PLCB1: variants seen among roughly 807,000 people sequenced by gnomAD.
The protein encoded by PLCB1 is phospholipase C beta 1.
In PLCB1, 46 loss-of-function variants were observed where a neutral mutation model predicts 161.8. That is an observed-to-expected ratio of 0.28 (90% confidence interval 0.22 to 0.36). PLCB1 has a LOEUF of 0.36. Ranked by LOEUF, PLCB1 falls within the 10% of genes least tolerant of loss-of-function variation. The pLI is 1.00. For synonymous variants in PLCB1, 517 were observed against 503.7 expected (o/e 1.03, Z -0.35); for missense variants, 1,016 against 1,472.5 (o/e 0.69, Z 5.07).
intron 2 of PLCB1, among the ~76,000 whole-genome samples, chr20:8,303,746 T>C (rs909834885): frequency 6.6e-6 from 1 of 152,202 alleles, no homozygotes; most frequent in Non-Finnish European, 1.5e-5. Flanking sequence ...TTATAGCACA[T>C]TGTTCAGATT....
At chr20:8,742,110 G>A (rs1014289985) in intron 23 of PLCB1, among the ~76,000 whole-genome samples, 8 of 152,044 alleles carry the variant, frequency 5.3e-5, no homozygotes, top group African/African-American at 1.4e-4. Context: ...CAAATTAGAT[G>A]TCACAATGCA....
rs555642151 is a variant in PLCB1 at position 8,159,936 on chromosome 20, C to T, written c.177+9565C>T. The stretch of plus-strand genomic sequence containing the variant: ...CTGGGAAGTGGAGGTTGCAGTGAGC[C>T]AAGATCGTGCCATTGTACTCCAGCC... On this transcript the variant is annotated intron_variant, in intron 2 of 31. Coordinates refer to ENST00000338037, the MANE Select transcript of PLCB1 (RefSeq NM_015192.4). Among the ~76,000 whole-genome samples the T allele has an allele frequency of 5.4e-5, 7 of 128,626 alleles. No individual in the cohort carries two copies. The South Asian group carries it at 1.7e-3, about 32-fold the overall frequency. The allele number at this position is 128,626 out of a possible 152,430, so 84.4% of individuals were successfully genotyped here.
chr20:8,750,738 A>C (rs1030542994), intron 23 of PLCB1: 3 of 652,450 alleles, frequency 4.6e-6, no homozygotes, highest in Admixed American at 2.7e-5. Context: ...TGTTTGAAGA[A>C]GCTCCTCCTT....
chr20:8,875,133 AT>A (rs1987733976), intron 31 of PLCB1, among the ~76,000 whole-genome samples: 1 of 151,354 alleles, frequency 6.6e-6, no homozygotes, highest in African/African-American at 2.4e-5. Flanking sequence ...TATTCTTTGT[AT>A]TTTATTTCTT....
intron 10 of PLCB1, among the ~76,000 whole-genome samples, chr20:8,689,317 T>G (rs6056014): frequency 0.66 from 100,038 of 151,918 alleles, 34,030 homozygotes; most frequent in South Asian, 0.78. Flanking sequence ...CCTCTTCACT[T>G]ATTTGGATGC....
intron 3 of PLCB1, among the ~76,000 whole-genome samples, chr20:8,417,068 TATATA>T (rs1432932292): frequency 2.0e-4 from 21 of 106,480 alleles, no homozygotes; most frequent in African/African-American, 7.5e-4. Flanking sequence ...TATATATATA[TATATA>T]TTTTTTTTTT....
intron 3 of PLCB1, among the ~76,000 whole-genome samples, chr20:8,378,253 C>T (rs1987154480): frequency 6.6e-6 from 1 of 152,118 alleles, no homozygotes; most frequent in Non-Finnish European, 1.5e-5. Flanking sequence ...ATAAGCCAGA[C>T]ATAAAAGGAC....
intron 3 of PLCB1, among the ~76,000 whole-genome samples, chr20:8,391,168 G>T (rs1386003464): frequency 6.6e-6 from 1 of 151,816 alleles, no homozygotes; most frequent in Non-Finnish European, 1.5e-5. Context: ...TATATAGATT[G>T]TCACTATAAT....
At chr20:8,205,830 C>A (rs1361793918) in intron 2 of PLCB1, among the ~76,000 whole-genome samples, 1 of 151,922 alleles carries the variant, frequency 6.6e-6, no homozygotes, top group Admixed American at 6.6e-5. Flanking sequence ...GATAGGATGA[C>A]CACGAATGAA....
chr20:8,331,958 C>G (rs1985382221), intron 2 of PLCB1, among the ~76,000 whole-genome samples: 1 of 152,094 alleles, frequency 6.6e-6, no homozygotes, highest in South Asian at 2.1e-4. Context: ...CTTATGTGTC[C>G]CATTTAACCA....
At chr20:8,227,388 TCAAC>T in intron 2 of PLCB1, among the ~76,000 whole-genome samples, 1 of 152,322 alleles carries the variant, frequency 6.6e-6, no homozygotes, top group Non-Finnish European at 1.5e-5. Context: ...TGTCTTCCAC[TCAAC>T]CAGGCAGATT....
rs555440410 is a variant in PLCB1, at chr20:8,845,960, A to G, written c.3424-35662A>G. 2.0e-5 allele frequency among the ~76,000 whole-genome samples: 3 copies of G among 152,354 alleles called. No individual in the cohort carries two copies. In the South Asian group the frequency reaches 6.2e-4, roughly 32 times the overall value. ...TGTAGAGACACACAGCAGGGGCTAT[A>G]TAATTCCATAATCAGGAAACCCAGC... On this transcript the variant is annotated intron_variant, in intron 31 of 31. Coordinates refer to ENST00000338037, the MANE Select transcript of PLCB1 (RefSeq NM_015192.4).
intron 2 of PLCB1, among the ~76,000 whole-genome samples, chr20:8,298,050 C>A (rs77515698): frequency 0.025 from 614 of 24,584 alleles, 9 homozygotes; most frequent in Non-Finnish European, 0.013. Context: ...AATCCCAACA[C>A]TCTGGGAGGC....
At chr20:8,610,580 AT>A (rs769449747) in intron 3 of PLCB1, among the ~76,000 whole-genome samples, 1 of 152,124 alleles carries the variant, frequency 6.6e-6, no homozygotes, top group Non-Finnish European at 1.5e-5. Flanking sequence ...TGGCTATGAC[AT>A]TTTACCTTCC....
In PLCB1 at chr20:8,750,887, G is replaced by GC. The variant is rs747057979; in HGVS notation, c.2524-6156dup. ...TGGCCTTACCTCTTACCCATGTGGT[G>GC]CCCATCCAAAGCAAGATGCTGTCAT... On this transcript the variant is annotated intron_variant, in intron 23 of 31. Transcript: ENST00000338037. 4.5e-6 allele frequency: 6 copies of GC among 1,343,574 alleles called. No homozygotes were observed. In the African/African-American group the frequency reaches 9.0e-5, roughly 20 times the overall value. The allele number at this position is 1,343,574 out of a possible 1,614,324, so 83.2% of individuals were successfully genotyped here.
chr20:8,291,025 G>C (rs1983358322), intron 2 of PLCB1, among the ~76,000 whole-genome samples: 1 of 147,946 alleles, frequency 6.8e-6, no homozygotes, highest in African/African-American at 2.5e-5. Flanking sequence ...GGACCCTCCA[G>C]TAACAATCTT....
At chr20:8,429,216 A>T (rs529150083) in intron 3 of PLCB1, among the ~76,000 whole-genome samples, 1 of 152,320 alleles carries the variant, frequency 6.6e-6, no homozygotes, top group South Asian at 2.1e-4. Flanking sequence ...TGACACATGT[A>T]CTTACTCACT....
chr20:8,192,585 TA>T (rs1345266987), intron 2 of PLCB1, among the ~76,000 whole-genome samples: 1 of 151,724 alleles, frequency 6.6e-6, no homozygotes, highest in Non-Finnish European at 1.5e-5. Context: ...ACCTCATCCC[TA>T]AGCCAGTTAT....
intron 2 of PLCB1, among the ~76,000 whole-genome samples, chr20:8,191,044 G>C (rs1293884905): frequency 6.6e-6 from 1 of 152,046 alleles, no homozygotes; most frequent in Non-Finnish European, 1.5e-5. Flanking sequence ...AACCTCATTA[G>C]AGAAGAGTAT....
Sources: gnomAD v4.1 joint callset for allele counts (sites outside exome capture counted in the v4.1 genomes callset) on GRCh38, gnomAD v4.1.1 for gene constraint, MANE v1.5 for transcripts, NCBI Gene and HGNC (gene_info 2026-07-23, HGNC 2026-07-21) for gene names.